SPAG16: variants seen among roughly 807,000 people sequenced by gnomAD.
SPAG16 encodes the protein sperm-associated antigen 16 protein.
Under a neutral mutation model 80.4 loss-of-function variants are expected in SPAG16, and 86 were observed. That is an observed-to-expected ratio of 1.07 (90% CI 0.90 to 1.28). The LOEUF (loss-of-function observed/expected upper bound fraction) is 1.28, where lower values mean the gene tolerates loss of function less well. SPAG16 is among the 50% of genes most tolerant of loss of function. SPAG16 has a pLI of 0.00. For missense variants in SPAG16, 870 were observed against 765.3 expected (o/e 1.14, Z -1.61); for synonymous variants, 294 against 265.9 (o/e 1.11, Z -1.03).
At chr2:214,138,975 G>A (rs768983910) in intron 14 of SPAG16, among the ~76,000 whole-genome samples, 5 of 152,086 alleles carry the variant, frequency 3.3e-5, no homozygotes, top group Admixed American at 6.6e-5. Flanking sequence ...CTTGGGCTGG[G>A]TAACCAAGCT....
intron 11 of SPAG16, among the ~76,000 whole-genome samples, chr2:213,929,376 G>A (rs1391011196): frequency 6.6e-6 from 1 of 152,074 alleles, no homozygotes; most frequent in African/African-American, 2.4e-5. Context: ...ACTGCTTTAA[G>A]ATCTACTGAT....
intron 10 of SPAG16, among the ~76,000 whole-genome samples, chr2:213,848,237 C>G (rs914106711): frequency 2.0e-5 from 3 of 152,154 alleles, no homozygotes; most frequent in African/African-American, 7.2e-5. Context: ...TTCCTACCCA[C>G]AGTGAGTAGA....
intron 10 of SPAG16, among the ~76,000 whole-genome samples, chr2:213,694,145 C>T (rs2065065077): frequency 6.6e-6 from 1 of 151,998 alleles, no homozygotes; most frequent in African/African-American, 2.4e-5. Flanking sequence ...AGCTTGAGAT[C>T]TGTAAGAATA....
At chr2:214,180,582 G>A (rs1222056485) in intron 15 of SPAG16, among the ~76,000 whole-genome samples, 1 of 144,494 alleles carries the variant, frequency 6.9e-6, no homozygotes, top group Non-Finnish European at 1.6e-5. Context: ...TCCTTTAAAT[G>A]ACAAGTTAGT....
At chr2:214,242,545 A>G (rs1198211523) in intron 15 of SPAG16, among the ~76,000 whole-genome samples, 1 of 152,094 alleles carries the variant, frequency 6.6e-6, no homozygotes, top group African/African-American at 2.4e-5. Context: ...AAGTCTCTCA[A>G]CTCTAGTCAT....
chr2:214,182,830 C>A (rs1352729750), intron 15 of SPAG16, among the ~76,000 whole-genome samples: 1 of 151,738 alleles, frequency 6.6e-6, no homozygotes, highest in African/African-American at 2.4e-5. Flanking sequence ...GATCACATTG[C>A]TCAGATTTTT....
At chr2:214,255,843 G>T (rs535029361) in intron 15 of SPAG16, among the ~76,000 whole-genome samples, 2 of 151,938 alleles carry the variant, frequency 1.3e-5, no homozygotes, top group African/African-American at 4.8e-5. Flanking sequence ...GAATATATTG[G>T]TTTGTTTACG....
intron 10 of SPAG16, among the ~76,000 whole-genome samples, chr2:213,542,330 G>A (rs770823459): frequency 5.9e-5 from 9 of 151,986 alleles, no homozygotes; most frequent in Non-Finnish European, 1.3e-4. Context: ...ACTTTCTTCA[G>A]TGTTTTCTTA....
At chr2:213,544,663 G>T (rs542660400) in intron 10 of SPAG16, among the ~76,000 whole-genome samples, 1 of 151,968 alleles carries the variant, frequency 6.6e-6, no homozygotes, top group South Asian at 2.1e-4. Context: ...ATTCTTCTGT[G>T]CTCTACCTAT....
At chr2:214,348,837 G>T (rs566612585) in intron 15 of SPAG16, among the ~76,000 whole-genome samples, 2 of 152,224 alleles carry the variant, frequency 1.3e-5, no homozygotes, top group East Asian at 3.9e-4. Context: ...TATGGTAGTG[G>T]GTATAAGCCT....
At chr2:214,074,570 T>C (rs748538795) in intron 13 of SPAG16, among the ~76,000 whole-genome samples, 21 of 152,062 alleles carry the variant, frequency 1.4e-4, no homozygotes, top group Non-Finnish European at 2.9e-4. Flanking sequence ...ACACTTTCAA[T>C]TATCAAAATC....
intron 5 of SPAG16, among the ~76,000 whole-genome samples, chr2:213,332,422 G>A (rs553323066): frequency 6.6e-6 from 1 of 152,112 alleles, no homozygotes; most frequent in Non-Finnish European, 1.5e-5. Context: ...GAAAATAACA[G>A]GACCTGATGG....
chr2:213,330,000 C>T (rs1306385327), intron 5 of SPAG16, among the ~76,000 whole-genome samples: 1 of 152,188 alleles, frequency 6.6e-6, no homozygotes, highest in African/African-American at 2.4e-5. Flanking sequence ...CCTGCAGGTG[C>T]ATGGAAGTCA....
At chr2:213,407,019 T>TGTGC (rs1219934708) in intron 9 of SPAG16, among the ~76,000 whole-genome samples, 1 of 151,292 alleles carries the variant, frequency 6.6e-6, no homozygotes, top group Non-Finnish European at 1.5e-5. Context: ...GCGACCACTC[T>TGTGC]GTGCACAGAC....
Position 213,792,417 on chromosome 2 carries a change from C to T in SPAG16, c.1071-70068C>T, listed in dbSNP as rs550507651. ...CTACAAAATTTTCAACTTACATTTG[C>T]CTCACACTGCCTAATAAGCTTGATT... On this transcript the variant is annotated intron_variant, in intron 10 of 15. Transcript: ENST00000331683. Among the ~76,000 whole-genome samples, 5 of 152,158 alleles carry T rather than the reference C, an allele frequency of 3.3e-5. No individual in the cohort carries two copies. The East Asian group carries it at 5.8e-4, about 18-fold the overall frequency.
intron 15 of SPAG16, among the ~76,000 whole-genome samples, chr2:214,226,904 A>G (rs544376048): frequency 8.5e-5 from 13 of 152,164 alleles, no homozygotes; most frequent in Admixed American, 6.6e-4. Context: ...GATATCTTAT[A>G]CTTTTTCTCT....
chr2:214,394,447 A>T (rs1011794468), intron 15 of SPAG16, among the ~76,000 whole-genome samples: 1 of 152,138 alleles, frequency 6.6e-6, no homozygotes, highest in Non-Finnish European at 1.5e-5. Context: ...GAGTAAAAAA[A>T]CTTTAAAAAT....
At chr2:213,820,993 T>C (rs1312307225) in intron 10 of SPAG16, among the ~76,000 whole-genome samples, 1 of 152,148 alleles carries the variant, frequency 6.6e-6, no homozygotes, top group Non-Finnish European at 1.5e-5. Context: ...GAAATTCTCA[T>C]AAATATTTAC....
intron 15 of SPAG16, chr2:214,281,144 G>C (rs1430846913): frequency 8.0e-6 from 3 of 374,160 alleles, no homozygotes; most frequent in African/African-American, 6.3e-5. Context: ...AGAAGCCTGT[G>C]GTCCAGCAGC....
Sources: allele counts gnomAD v4.1 joint callset (sites outside exome capture counted in the v4.1 genomes callset), GRCh38; gene constraint gnomAD v4.1.1; transcripts MANE v1.5; gene names NCBI Gene and HGNC (gene_info 2026-07-23, HGNC 2026-07-21).